The following CTPS2 variants were observed in gnomAD, a reference collection of about 807,000 sequenced individuals.
The protein encoded by CTPS2 is CTP synthase II.
A neutral mutation model predicts 46.8 loss-of-function variants in CTPS2; 19 were observed. That is an observed-to-expected ratio of 0.41 (90% CI 0.28 to 0.60). CTPS2 has a LOEUF of 0.60. CTPS2 is among the 20% of genes least tolerant of loss of function. The probability of loss-of-function intolerance (pLI) is 0.35; values close to 1 mark genes in which losing one functional copy is unlikely to be tolerated. For missense variants in CTPS2, 286 were observed against 447.6 expected, an observed-to-expected ratio of 0.64 and a Z score of 3.26; for synonymous variants, 151 against 165.2, an observed-to-expected ratio of 0.91 and a Z score of 0.66.
At chrX:16,632,750 T>C (rs926722024) in intron 14 of CTPS2, among the ~76,000 whole-genome samples, 37 of 111,368 alleles carry the variant, frequency 3.3e-4, no homozygotes, top group African/African-American at 1.1e-3. Flanking sequence ...AGAGTGATTA[T>C]AGCACTAGAT....
At chrX:16,700,406 C>T (rs1427857837) in intron 2 of CTPS2, among the ~76,000 whole-genome samples, 1 of 108,075 alleles carries the variant, frequency 9.3e-6, no homozygotes, top group African/African-American at 3.4e-5. Flanking sequence ...CGTGAGCCAC[C>T]GTGCCCGGCC....
intron 4 of CTPS2, among the ~76,000 whole-genome samples, chrX:16,696,609 G>A (rs991406182): frequency 5.4e-5 from 6 of 111,765 alleles, no homozygotes; most frequent in Non-Finnish European, 1.1e-4. Context: ...GGAGGCTGAG[G>A]CAAGATGATT....
intron 13 of CTPS2, chrX:16,650,973 A>T: frequency 8.5e-7 from 1 of 1,183,298 alleles, no homozygotes. Context: ...CTTTTTGGTA[A>T]GTTTATTTTC....
intron 4 of CTPS2, among the ~76,000 whole-genome samples, chrX:16,697,734 C>T (rs1447990416): frequency 1.8e-5 from 2 of 111,517 alleles, no homozygotes; most frequent in Non-Finnish European, 3.8e-5. Context: ...TGAGCCACCT[C>T]GCGCAGCCAC....
At chrX:16,703,484 C>T (rs1011644914) in intron 1 of CTPS2, among the ~76,000 whole-genome samples, 1 of 109,885 alleles carries the variant, frequency 9.1e-6, no homozygotes, top group Admixed American at 9.8e-5. Flanking sequence ...GCACGTGCCA[C>T]GTCTCCCAGC....
intron 13 of CTPS2, among the ~76,000 whole-genome samples, chrX:16,651,775 T>C (rs1234830119): frequency 1.8e-5 from 2 of 112,051 alleles, no homozygotes; most frequent in Admixed American, 1.9e-4. Flanking sequence ...AAAATCAAAA[T>C]GCATTCAAGG....
chrX:16,650,511 CTTTTTTTTT>C (rs1167079038), intron 13 of CTPS2, among the ~76,000 whole-genome samples: 1 of 77,209 alleles, frequency 1.3e-5, no homozygotes, highest in Admixed American at 1.5e-4. Context: ...TCTAAGATGT[CTTTTTTTTT>C]TTTTTTTTTT....
chrX:16,711,738 G>T (rs753223715), intron 1 of CTPS2: 2 of 111,554 alleles, frequency 1.8e-5, no homozygotes, highest in African/African-American at 6.5e-5. Flanking sequence ...ACATTTTGTT[G>T]TATATAAACC....
intron 8 of CTPS2, among the ~76,000 whole-genome samples, 189 bp from the exon 9 acceptor site, chrX:16,683,415 T>C (rs1418829488): frequency 9.1e-6 from 1 of 110,442 alleles, no homozygotes; most frequent in Admixed American, 9.8e-5. Context: ...CTGGGCAACA[T>C]AGTTAGACCC....
intron 8 of CTPS2, among the ~76,000 whole-genome samples, chrX:16,687,454 A>C (rs949458477): frequency 8.0e-5 from 8 of 99,986 alleles, no homozygotes; most frequent in Non-Finnish European, 1.2e-4. Flanking sequence ...CAGCCTGGGC[A>C]ACAGAGCAAC....
intron 17 of CTPS2, among the ~76,000 whole-genome samples, chrX:16,601,890 G>C (rs917687439): frequency 6.3e-5 from 7 of 111,778 alleles, no homozygotes; most frequent in African/African-American, 2.3e-4. Flanking sequence ...AGAAGAGCAA[G>C]GTCACAGCCA....
chrX:16,602,968 T>C (rs936792344), intron 17 of CTPS2, among the ~76,000 whole-genome samples: 12 of 111,799 alleles, frequency 1.1e-4, no homozygotes, highest in African/African-American at 3.9e-4. Context: ...GCTGGCTTCT[T>C]TGACCTTGGA....
intron 8 of CTPS2, among the ~76,000 whole-genome samples, chrX:16,687,369 G>A (rs1245224676): frequency 9.3e-6 from 1 of 107,153 alleles, no homozygotes; most frequent in Admixed American, 1.0e-4. Context: ...CAGCTACTGG[G>A]GACGCTGAGG....
intron 14 of CTPS2, among the ~76,000 whole-genome samples, chrX:16,625,656 G>A (rs966980290): frequency 9.0e-6 from 1 of 111,522 alleles, no homozygotes; most frequent in Non-Finnish European, 1.9e-5. Context: ...GTCACACATG[G>A]GCTTGAAGGA....
At chrX:16,652,109 C>T (rs985340693) in intron 13 of CTPS2, among the ~76,000 whole-genome samples, 13 of 111,575 alleles carry the variant, frequency 1.2e-4, no homozygotes, top group Non-Finnish European at 2.4e-4. Context: ...TAGCTGAAGG[C>T]AGGCCAGGTG....
chrX:16,674,302 T>C (rs1351824505), intron 10 of CTPS2, among the ~76,000 whole-genome samples: 5 of 110,391 alleles, frequency 4.5e-5, no homozygotes, highest in Admixed American at 2.9e-4. Context: ...TAGCTGGGAT[T>C]ACAGGTATGC....
At chrX:16,603,136 G>A (rs1929757988) in intron 17 of CTPS2, among the ~76,000 whole-genome samples, 1 of 111,771 alleles carries the variant, frequency 8.9e-6, no homozygotes, top group Non-Finnish European at 1.9e-5. Flanking sequence ...AACCAAAATG[G>A]CCTGGCGCGG....
At chrX:16,599,430 A>G (rs2147167646) in intron 17 of CTPS2, among the ~76,000 whole-genome samples, 1 of 110,079 alleles carries the variant, frequency 9.1e-6, no homozygotes, top group South Asian at 3.9e-4. Flanking sequence ...AGACTTTACC[A>G]CAATGGTCAA....
intron 13 of CTPS2, among the ~76,000 whole-genome samples, chrX:16,643,877 C>T (rs1322753787): frequency 9.0e-6 from 1 of 111,225 alleles, no homozygotes; most frequent in African/African-American, 3.3e-5. Flanking sequence ...ACCTCCTTCT[C>T]TACTTTTCCC....
Sources: gnomAD v4.1 joint callset for allele counts (sites outside exome capture counted in the v4.1 genomes callset) on GRCh38, gnomAD v4.1.1 for gene constraint, MANE v1.5 for transcripts, NCBI Gene and HGNC (gene_info 2026-07-23, HGNC 2026-07-21) for gene names.